Variants in VAMP1 observed in about 807,000 individuals in gnomAD.
The protein encoded by VAMP1 is vesicle-associated membrane protein 1.
VAMP1 carries 16 observed loss-of-function variants against 19.1 expected under a neutral mutation model. The observed-to-expected ratio is 0.84, with a 90% CI of 0.57 to 1.27. The LOEUF (loss-of-function observed/expected upper bound fraction) is 1.27. Ranked by LOEUF, VAMP1 falls within the 50% of genes most tolerant of loss-of-function variation. VAMP1 has a pLI of 0.00. For missense variants in VAMP1, 109 were observed against 145.4 expected (o/e 0.75, Z 1.29); for synonymous variants, 37 against 50.2 (o/e 0.74, Z 1.11).
chr12:6,468,657 A>G (rs889601234), intron 1 of VAMP1, among the ~76,000 whole-genome samples: 1 of 152,216 alleles, frequency 6.6e-6, no homozygotes, highest in Non-Finnish European at 1.5e-5. Context: ...GGTTTACTGT[A>G]CTATACACAC....
At chr12:6,464,611 G>A in intron 4 of VAMP1, 125 bp from the exon 5 acceptor site, 1 of 1,457,480 alleles carries the variant, frequency 6.9e-7, no homozygotes, top group Non-Finnish European at 9.0e-7. Flanking sequence ...CATCCCCATG[G>A]TCTCCCTCCA....
chr12:6,462,629 G>A lies in VAMP1; in HGVS notation c.*1841C>T. 1 of 648,274 alleles carries A rather than the reference G, an allele frequency of 1.5e-6. No homozygotes were observed. The highest frequency in any genetic ancestry group is 2.6e-6 in the Non-Finnish European group (1 of 378,090). The allele number at this position is 648,274 out of a possible 1,614,324, so 40.2% of individuals were successfully genotyped here. A position where few individuals can be genotyped will look rare whatever the true frequency, so the allele number is the denominator to read the frequency against. On this transcript the variant is annotated 3_prime_UTR_variant, in exon 5 of 5. Coordinates refer to ENST00000396308, the MANE Select transcript of VAMP1 (RefSeq NM_014231.5). ...CCAACTACACCTGGTGAGCCTCAGAGGGACAGAAACCCAGGAATGATTCCT... is the reference window on the plus strand; with the variant it reads ...CCAACTACACCTGGTGAGCCTCAGAAGGACAGAAACCCAGGAATGATTCCT...
chr12:6,467,928 G>A (rs1008961499), intron 1 of VAMP1, among the ~76,000 whole-genome samples: 19 of 152,058 alleles, frequency 1.2e-4, no homozygotes, highest in Non-Finnish European at 2.8e-4. Context: ...CAGAAGGCAA[G>A]AACTGAGGTT....
Position 6,462,421 on chromosome 12 carries a change from G to A in VAMP1, c.*2049C>T. 1 of 494,872 alleles carries A rather than the reference G, an allele frequency of 2.0e-6. No individual in the cohort carries two copies. The highest frequency in any genetic ancestry group is 3.6e-6 in the Non-Finnish European group (1 of 278,144). The allele number at this position is 494,872 out of a possible 1,614,324, so 30.7% of individuals were successfully genotyped here. ...AGTGGAAACCCCACATCGTCTCATG[G>A]CAAACCGAAGAACGGGATGTGGGAA... On this transcript the variant is annotated 3_prime_UTR_variant, in exon 5 of 5. Coordinates refer to ENST00000396308, the MANE Select transcript of VAMP1 (RefSeq NM_014231.5).
intron 3 of VAMP1, chr12:6,465,427 T>TAA (rs1328276842): frequency 8.0e-6 from 1 of 124,668 alleles, no homozygotes; most frequent in African/African-American, 3.5e-5. Context: ...TATATATATA[T>TAA]AAATGTATAT....
At position 6,464,202 on chromosome 12, in the gene VAMP1, G is replaced by T; in HGVS notation, c.*268C>A. 1 of 1,483,388 alleles carries T rather than the reference G, an allele frequency of 6.7e-7. No homozygotes were observed. Among genetic ancestry groups the T allele is most frequent in the Non-Finnish European group, 9.0e-7 (1 of 1,112,760 alleles). 91.9% of individuals were successfully genotyped at this position (1,483,388 alleles called of 1,614,324 possible). On this transcript the variant is annotated 3_prime_UTR_variant, in exon 5 of 5. Transcript: ENST00000396308. ...TTGGCCTCCAACTCTTTGGGGCTTT[G>T]GGGGAACTTGAGAGTACAGAAAAAG...
Position 6,463,210 on chromosome 12 carries a change from G to T in VAMP1, c.*1260C>A. ...CAAAGTAGAATTCAGACAGGAAAGG[G>T]TGGTTCAAAGGGGAATATACTACAG... is the stretch of plus-strand genomic sequence containing the variant. On this transcript the variant is annotated 3_prime_UTR_variant, in exon 5 of 5. Transcript: ENST00000396308. The surrounding 1 kb of genome is among the most constrained non-coding windows in gnomAD (Gnocchi z 4.0). 7.0e-7 allele frequency: 1 copy of T among 1,431,280 alleles called. No homozygotes were observed. The allele number at this position is 1,431,280 out of a possible 1,614,324, so 88.7% of individuals were successfully genotyped here.
intron 3 of VAMP1, among the ~76,000 whole-genome samples, chr12:6,465,634 T>C (rs1181014875): frequency 3.3e-5 from 5 of 151,846 alleles, no homozygotes; most frequent in African/African-American, 1.2e-4. Context: ...TTTTCCCTGA[T>C]AGCGGTTCTA....
chr12:6,465,383 T>TATGTATATATATATATATAC (rs1555130166), intron 3 of VAMP1: 4 of 87,392 alleles, frequency 4.6e-5, no homozygotes, highest in Non-Finnish European at 7.2e-5. Context: ...AATGTATATA[T>TATGTATATATATATATATAC]ATGTATATAT....
chr12:6,465,165 A>T, intron 3 of VAMP1: 1 of 585,174 alleles, frequency 1.7e-6, no homozygotes, highest in Non-Finnish European at 2.9e-6. Flanking sequence ...CAGGACCTGC[A>T]TTGAGCTCCT....
rs1020017896 is a variant in VAMP1 at position 6,463,649 on chromosome 12, G to A, written c.*821C>T. The A allele has an allele frequency of 3.6e-5, 39 of 1,089,936 alleles. No homozygotes were observed. The highest frequency in any genetic ancestry group is 4.2e-5 in the Non-Finnish European group (37 of 890,896). The allele number at this position is 1,089,936 out of a possible 1,614,324, so 67.5% of individuals were successfully genotyped here. ...TATGCCAACAATTAACTGGGAGCTA[G>A]GTTAAATTATTTGGCTAGATAAAAC... On this transcript the variant is annotated 3_prime_UTR_variant, in exon 5 of 5. Coordinates refer to ENST00000396308, the MANE Select transcript of VAMP1 (RefSeq NM_014231.5). The surrounding 1 kb of genome is among the most constrained non-coding windows in gnomAD (Gnocchi z 4.0).
chr12:6,470,470 G>A, intron 1 of VAMP1, 60 bp downstream of exon 1: 2 of 1,612,188 alleles, frequency 1.2e-6, no homozygotes, highest in Non-Finnish European at 1.7e-6. Context: ...CCGCAGAATC[G>A]GGAGCTTGGG....
Position 6,465,824 on chromosome 12 carries a change from G to T in VAMP1, c.288+18C>A. 1 of 1,612,974 alleles carries T rather than the reference G, an allele frequency of 6.2e-7. No homozygotes were observed. The highest frequency in any genetic ancestry group is 1.1e-5 in the South Asian group (1 of 91,054). The stretch of plus-strand genomic sequence containing the variant: ...TGGAAGCCCAGGAAAAGATGGAGGA[G>T]GGGACAAGAAAATTCACCTTGCAGT... On this transcript the variant is annotated intron_variant, in intron 3 of 4. Transcript: ENST00000396308.
chr12:6,462,272 C>A lies in VAMP1; in HGVS notation c.*2198G>T. On this transcript the variant is annotated 3_prime_UTR_variant, in exon 5 of 5. Coordinates refer to ENST00000396308, the MANE Select transcript of VAMP1 (RefSeq NM_014231.5). ...GGAATTTGTATTTTTTGCCTTTGTT[C>A]AGAATACATGACATTGGTAAATATG... The A allele has an allele frequency of 1.3e-6, 1 of 763,480 alleles. No individual in the cohort carries two copies. The highest frequency in any genetic ancestry group is 2.1e-6 in the Non-Finnish European group (1 of 476,916). 47.3% of individuals were successfully genotyped at this position (763,480 alleles called of 1,614,324 possible).
intron 1 of VAMP1, 200 bp from the exon 2 acceptor site, chr12:6,466,551 A>G (rs1950030388): frequency 2.0e-6 from 1 of 502,088 alleles, no homozygotes; most frequent in Non-Finnish European, 3.5e-6. Flanking sequence ...ACTCACATGC[A>G]TCCTCACCCC....
chr12:6,466,387 C>A, intron 1 of VAMP1, 36 bp from the exon 2 acceptor site: 3 of 1,588,602 alleles, frequency 1.9e-6, no homozygotes, highest in South Asian at 1.1e-5. Context: ...ACAAAGTGAC[C>A]AAGACAAGAA....
Position 6,465,920 on chromosome 12 carries a change from A to T in VAMP1, c.210T>A (p.Asp70Glu). 1 of 1,614,254 alleles carries T rather than the reference A, an allele frequency of 6.2e-7. No homozygotes were observed. Among genetic ancestry groups the T allele is most frequent in the East Asian group, 2.2e-5 (1 of 44,882 alleles). Residue 70 changes from aspartate (D) to glutamate (E), a missense_variant, in exon 3 of 5, where the codon GAT becomes GAA. Asp to Glu is a conservative substitution (Grantham distance 45). Coordinates refer to ENST00000396308, the MANE Select transcript of VAMP1 (RefSeq NM_014231.5). ...ATTGTGATGCTCCTGCCTGCAAGGCATCAGCTCGGTCATCCAGCTCTGACA... is the reference window on the plus strand; with the variant it reads ...ATTGTGATGCTCCTGCCTGCAAGGCTTCAGCTCGGTCATCCAGCTCTGACA... ...QKLSELDDRADALQAGASQFE... is the reference protein window; with the variant it reads ...QKLSELDDRAEALQAGASQFE...
Position 6,462,477 on chromosome 12 carries a change from G to A in VAMP1, c.*1993C>T. 4.0e-6 allele frequency: 2 copies of A among 497,994 alleles called. No individual in the cohort carries two copies. Among genetic ancestry groups the A allele is most frequent in the Non-Finnish European group, 7.1e-6 (2 of 280,162 alleles). The allele number at this position is 497,994 out of a possible 1,614,324, so 30.8% of individuals were successfully genotyped here. A position where few individuals can be genotyped will look rare whatever the true frequency, so the allele number is the denominator to read the frequency against. ...GCTTCATTTGACTGCAAAGTCCCAG[G>A]GTTTTGTTGCACATTTGCTCATGCA... On this transcript the variant is annotated 3_prime_UTR_variant, in exon 5 of 5. Transcript: ENST00000396308.
In VAMP1 at chr12:6,464,228, C is replaced by T. The variant is rs1949947634; in HGVS notation, c.*242G>A. ...GGGGAACTTGAGAGTACAGAAAAAG[C>T]AGGCAGGGAGGAGGCGCCAGCTGTT... On this transcript the variant is annotated 3_prime_UTR_variant, in exon 5 of 5. Coordinates refer to ENST00000396308, the MANE Select transcript of VAMP1 (RefSeq NM_014231.5). 6.6e-7 allele frequency: 1 copy of T among 1,511,494 alleles called. No individual in the cohort carries two copies. The highest frequency in any genetic ancestry group is 8.9e-7 in the Non-Finnish European group (1 of 1,129,616). The allele number at this position is 1,511,494 out of a possible 1,614,324, so 93.6% of individuals were successfully genotyped here. A position where few individuals can be genotyped will look rare whatever the true frequency, so the allele number is the denominator to read the frequency against.
Sources: allele counts gnomAD v4.1 joint callset (sites outside exome capture counted in the v4.1 genomes callset), GRCh38; gene constraint gnomAD v4.1.1; non-coding constraint Gnocchi (gnomAD v3.1); transcripts MANE v1.5; gene names NCBI Gene and HGNC (gene_info 2026-07-23, HGNC 2026-07-21).